MAN1A1: variants seen among roughly 807,000 people sequenced by gnomAD.
MAN1A1 encodes the protein mannosidase alpha class 1A member 1.
Under a neutral mutation model 70.8 loss-of-function variants are expected in MAN1A1, and 29 were observed. The observed-to-expected ratio is 0.41, with a 90% CI of 0.31 to 0.56. The LOEUF (loss-of-function observed/expected upper bound fraction) is 0.56. Ranked by LOEUF, MAN1A1 falls within the 20% of genes least tolerant of loss-of-function variation. The pLI is 0.29. For missense variants in MAN1A1, 747 were observed against 841.3 expected, an observed-to-expected ratio of 0.89 and a Z score of 1.39; for synonymous variants, 349 against 330.1, an observed-to-expected ratio of 1.06 and a Z score of -0.62.
chr6:119,279,110 A>G (rs1776159051), intron 5 of MAN1A1, among the ~76,000 whole-genome samples: 1 of 152,020 alleles, frequency 6.6e-6, no homozygotes, highest in South Asian at 2.1e-4. Flanking sequence ...ATCACTTAAA[A>G]CTGCTCCATT....
chr6:119,230,151 C>T (rs1399335192), intron 6 of MAN1A1, among the ~76,000 whole-genome samples: 1 of 152,206 alleles, frequency 6.6e-6, no homozygotes, highest in Admixed American at 6.5e-5. Context: ...CAGCTAGGAA[C>T]CTGCATTGCA....
chr6:119,207,558 G>A (rs1358052897), intron 6 of MAN1A1, among the ~76,000 whole-genome samples: 1 of 152,216 alleles, frequency 6.6e-6, no homozygotes, highest in Admixed American at 6.5e-5. Context: ...ATGTGTCTGT[G>A]TGTCTCAGAG....
chr6:119,219,441 A>C (rs1774296853), intron 6 of MAN1A1, among the ~76,000 whole-genome samples: 1 of 152,188 alleles, frequency 6.6e-6, no homozygotes, highest in African/African-American at 2.4e-5. Context: ...ACAAAGTACC[A>C]CTTACCTACC....
rs576613300 is a variant in MAN1A1, at chr6:119,319,133, ATT to A, written c.604-12143_604-12142del. Among the ~76,000 whole-genome samples the A allele has an allele frequency of 2.0e-5, 3 of 152,250 alleles. No homozygotes were observed. In the East Asian group the frequency reaches 5.8e-4, roughly 29 times the overall value. On this transcript the variant is annotated intron_variant, in intron 2 of 12. Transcript: ENST00000368468. ...TTATCACTAAAAATGGCAAATGATT[ATT>A]TTAGACTATATGTGATACAGTACCA... is the stretch of plus-strand genomic sequence containing the variant.
intron 4 of MAN1A1, among the ~76,000 whole-genome samples, chr6:119,301,525 G>A (rs189210691): frequency 2.0e-5 from 3 of 152,188 alleles, no homozygotes; most frequent in South Asian, 2.1e-4. Context: ...CTTTCTTTAC[G>A]GGAAAATGAA....
chr6:119,187,933 T>A (rs1773338022), intron 11 of MAN1A1, among the ~76,000 whole-genome samples: 1 of 152,276 alleles, frequency 6.6e-6, no homozygotes, highest in African/African-American at 2.4e-5. Context: ...GGTAAAGGAA[T>A]ATCCTTATAC....
chr6:119,262,828 T>A (rs1009763784), intron 5 of MAN1A1, among the ~76,000 whole-genome samples: 11 of 152,206 alleles, frequency 7.2e-5, no homozygotes, highest in African/African-American at 2.7e-4. Context: ...AGGTTAATAC[T>A]GAGTGTCAAC....
rs150516163 is a variant in MAN1A1 at position 119,306,388 on chromosome 6, G to A, written c.700+508C>T. Among the ~76,000 whole-genome samples the A allele has an allele frequency of 1.9e-3, 290 of 152,284 alleles. 3 individuals carry two copies. The highest frequency in any genetic ancestry group is 6.6e-3 in the African/African-American group (274 of 41,566). The stretch of plus-strand genomic sequence containing the variant: ...ACCAAATGCAATAAAGCTTGCAAAA[G>A]TGGATAAATGGAAGTTCAATTAACC... On this transcript the variant is annotated intron_variant, in intron 3 of 12. Coordinates refer to ENST00000368468, the MANE Select transcript of MAN1A1 (RefSeq NM_005907.4).
At chr6:119,267,781 G>A (rs1775800389) in intron 5 of MAN1A1, among the ~76,000 whole-genome samples, 1 of 152,140 alleles carries the variant, frequency 6.6e-6, no homozygotes, top group Non-Finnish European at 1.5e-5. Context: ...ACTATAGACA[G>A]TCATGATCAT....
intron 6 of MAN1A1, among the ~76,000 whole-genome samples, chr6:119,243,775 T>C (rs1775075532): frequency 6.6e-6 from 1 of 152,012 alleles, no homozygotes; most frequent in African/African-American, 2.4e-5. Context: ...AGTCAGTAAA[T>C]AAAGCTTTAC....
chr6:119,345,380 T>C (rs1320765364), intron 2 of MAN1A1, among the ~76,000 whole-genome samples: 3 of 152,288 alleles, frequency 2.0e-5, no homozygotes, highest in Admixed American at 6.5e-5. Context: ...AAAATAAATA[T>C]ACACTATGTA....
intron 11 of MAN1A1, among the ~76,000 whole-genome samples, chr6:119,187,034 G>A (rs938101429): frequency 2.6e-5 from 4 of 152,088 alleles, no homozygotes. Flanking sequence ...TCATAAACAA[G>A]CAACCCCCTG....
At chr6:119,313,307 C>A (rs756283916) in intron 2 of MAN1A1, among the ~76,000 whole-genome samples, 1 of 152,130 alleles carries the variant, frequency 6.6e-6, no homozygotes, top group Non-Finnish European at 1.5e-5. Context: ...TAGGAATGAT[C>A]CTTGTCCTCA....
At chr6:119,202,092 C>T (rs568791773) in intron 7 of MAN1A1, among the ~76,000 whole-genome samples, 26 of 152,088 alleles carry the variant, frequency 1.7e-4, no homozygotes, top group Admixed American at 7.2e-4. Context: ...AATAAATTAA[C>T]GTTAGTTTAC....
At chr6:119,189,394 A>C (rs577792651) in intron 10 of MAN1A1, among the ~76,000 whole-genome samples, 1 of 152,202 alleles carries the variant, frequency 6.6e-6, no homozygotes, top group Non-Finnish European at 1.5e-5. Context: ...ACCCTTGCCC[A>C]ATGTTATTGG....
intron 4 of MAN1A1, among the ~76,000 whole-genome samples, chr6:119,298,377 TGAAAAG>T (rs908216538): frequency 6.6e-6 from 1 of 152,132 alleles, no homozygotes; most frequent in Non-Finnish European, 1.5e-5. Context: ...TATGCCCTAA[TGAAAAG>T]GAAATGAGTT....
At chr6:119,258,767 C>CT (rs964136036) in intron 5 of MAN1A1, among the ~76,000 whole-genome samples, 2 of 151,916 alleles carry the variant, frequency 1.3e-5, no homozygotes, top group East Asian at 1.9e-4. Flanking sequence ...ACATGTTTAT[C>CT]TTTTTTTTAT....
At position 119,302,067 on chromosome 6, in the gene MAN1A1, T is replaced by C. The variant is rs1173895388; in HGVS notation, c.737A>G (p.Asp246Gly). The change falls in exon 4 of 13, where the codon GAT becomes GGT. Residue 246 changes from aspartate (D) to glycine (G), a missense_variant. Asp to Gly is a moderately conservative substitution (Grantham distance 94). Coordinates refer to ENST00000368468, the MANE Select transcript of MAN1A1 (RefSeq NM_005907.4). ...TTTCATTTCCATAATAAAAAGTGTA[T>C]CCAGGGCATCTACTATAGTTGCTCC... is the stretch of plus-strand genomic sequence containing the variant. Reference protein sequence around the residue: ...IKGATIVDALDTLFIMEMKHE... With the variant: ...IKGATIVDALGTLFIMEMKHE... 6.2e-7 allele frequency: 1 copy of C among 1,609,050 alleles called. No individual in the cohort carries two copies. Among genetic ancestry groups the C allele is most frequent in the Non-Finnish European group, 8.5e-7 (1 of 1,175,890 alleles).
Position 119,349,193 on chromosome 6 carries a change from G to A in MAN1A1, c.-128C>T, listed in dbSNP as rs1310093378. On this transcript the variant is annotated 5_prime_UTR_variant, in exon 2 of 13. Coordinates refer to ENST00000368468, the MANE Select transcript of MAN1A1 (RefSeq NM_005907.4). ...GCCCGACCCCCTCGGCTGGGCTGCG[G>A]ATCCTCCCTGGGGGAACAACTCCGC... 26 of 1,228,524 alleles carry A rather than the reference G, an allele frequency of 2.1e-5. 1 individual carries two copies. In the Middle Eastern group the frequency reaches 9.5e-4, roughly 45 times the overall value. 76.1% of individuals were successfully genotyped at this position (1,228,524 alleles called of 1,614,324 possible).
Sources: allele counts gnomAD v4.1 joint callset (sites outside exome capture counted in the v4.1 genomes callset), GRCh38; gene constraint gnomAD v4.1.1; transcripts MANE v1.5; gene names NCBI Gene and HGNC (gene_info 2026-07-23, HGNC 2026-07-21).